Variants in SPIDR observed in about 807,000 individuals in gnomAD.
SPIDR encodes the protein scaffold protein involved in DNA repair.
In SPIDR, 93 loss-of-function variants were observed where a neutral mutation model predicts 104.6. The observed-to-expected ratio is 0.89, with a 90% CI of 0.75 to 1.06. The LOEUF (loss-of-function observed/expected upper bound fraction) is 1.06, where lower values mean the gene tolerates loss of function less well. Among genes scored for constraint, SPIDR ranks in the 50% least tolerant of loss-of-function variants. SPIDR has a pLI of 0.00. For synonymous variants in SPIDR, 431 were observed against 416.9 expected (o/e 1.03, Z -0.41); for missense variants, 1,154 against 1,111.2 (o/e 1.04, Z -0.55).
intron 8 of SPIDR, among the ~76,000 whole-genome samples, chr8:47,525,757 G>C (rs2084882699): frequency 6.7e-6 from 1 of 149,324 alleles, no homozygotes. Context: ...TGGGTAGACA[G>C]AGTGAGACCC....
At chr8:47,430,648 T>G (rs2154339178) in intron 7 of SPIDR, among the ~76,000 whole-genome samples, 1 of 152,352 alleles carries the variant, frequency 6.6e-6, no homozygotes, top group East Asian at 1.9e-4. Flanking sequence ...AAGATTATAG[T>G]GACCACCCAT....
intron 8 of SPIDR, among the ~76,000 whole-genome samples, chr8:47,448,744 G>A (rs1019814403): frequency 6.6e-6 from 1 of 152,032 alleles, no homozygotes; most frequent in African/African-American, 2.4e-5. Flanking sequence ...CCTGAAGTTG[G>A]TGATGCCCTA....
At chr8:47,321,390 A>T (rs549043782) in intron 5 of SPIDR, among the ~76,000 whole-genome samples, 1 of 152,292 alleles carries the variant, frequency 6.6e-6, no homozygotes, top group Non-Finnish European at 1.5e-5. Context: ...CTTATAAGGG[A>T]TTTGAAGGAC....
chr8:47,432,792 C>T (rs2067589495), intron 7 of SPIDR, among the ~76,000 whole-genome samples: 1 of 152,106 alleles, frequency 6.6e-6, no homozygotes, highest in African/African-American at 2.4e-5. Flanking sequence ...TAACAGGTAA[C>T]AAAGGACTTT....
At chr8:47,591,868 G>A (rs1205024699) in intron 8 of SPIDR, among the ~76,000 whole-genome samples, 1 of 152,042 alleles carries the variant, frequency 6.6e-6, no homozygotes, top group Non-Finnish European at 1.5e-5. Flanking sequence ...ACTTAAACCA[G>A]GATGGGGGAA....
At chr8:47,578,134 C>CATACAT (rs1315294438) in intron 8 of SPIDR, among the ~76,000 whole-genome samples, 2 of 152,168 alleles carry the variant, frequency 1.3e-5, no homozygotes, top group East Asian at 3.8e-4. Flanking sequence ...CTTGTTAATA[C>CATACAT]ATACATTTGA....
chr8:47,715,166 TTTTTTGTTTTTG>T (rs753353329), intron 16 of SPIDR, among the ~76,000 whole-genome samples: 2 of 139,088 alleles, frequency 1.4e-5, no homozygotes, highest in African/African-American at 5.3e-5. Flanking sequence ...TTTGGGGGGG[TTTTTTGTTTTTG>T]TTTTTGTTTT....
At chr8:47,524,904 C>A (rs1390027752) in intron 8 of SPIDR, among the ~76,000 whole-genome samples, 2 of 152,124 alleles carry the variant, frequency 1.3e-5, no homozygotes, top group East Asian at 1.9e-4. Flanking sequence ...ATTTCTGATA[C>A]AATTTAGTAA....
intron 6 of SPIDR, among the ~76,000 whole-genome samples, chr8:47,403,983 G>A (rs4873293): frequency 0.53 from 80,191 of 152,072 alleles, 24,884 homozygotes; most frequent in East Asian, 0.72. Context: ...AAGCAGCATG[G>A]TACTGGTACC....
chr8:47,505,104 G>C (rs2081265461), intron 8 of SPIDR, among the ~76,000 whole-genome samples: 2 of 152,314 alleles, frequency 1.3e-5, no homozygotes, highest in South Asian at 2.1e-4. Flanking sequence ...GAGGCAGTCT[G>C]TCCATTCTCA....
intron 8 of SPIDR, among the ~76,000 whole-genome samples, chr8:47,444,331 A>C (rs2070105626): frequency 6.6e-6 from 1 of 152,204 alleles, no homozygotes; most frequent in African/African-American, 2.4e-5. Context: ...TGAGAGGTTA[A>C]GTGTGTGAGA....
At chr8:47,514,438 T>C (rs2154377634) in intron 8 of SPIDR, among the ~76,000 whole-genome samples, 1 of 152,294 alleles carries the variant, frequency 6.6e-6, no homozygotes, top group South Asian at 2.1e-4. Flanking sequence ...CCTTGTTACC[T>C]GTTTGAGGGG....
At chr8:47,385,976 T>A (rs1263860433) in intron 5 of SPIDR, among the ~76,000 whole-genome samples, 2 of 152,120 alleles carry the variant, frequency 1.3e-5, no homozygotes, top group Non-Finnish European at 2.9e-5. Context: ...TGTATCCATA[T>A]TTTGTTTTAG....
chr8:47,269,164 CCTT>C (rs2034727722), intron 1 of SPIDR, among the ~76,000 whole-genome samples: 1 of 140,614 alleles, frequency 7.1e-6, no homozygotes, highest in African/African-American at 2.7e-5. Context: ...GAGACCCTCT[CCTT>C]TTTTTTTTTT....
At chr8:47,366,192 G>A (rs1290320808) in intron 5 of SPIDR, among the ~76,000 whole-genome samples, 3 of 152,134 alleles carry the variant, frequency 2.0e-5, no homozygotes, top group Non-Finnish European at 4.4e-5. Flanking sequence ...TGAGAGAGCA[G>A]CTGAACAGAG....
intron 8 of SPIDR, among the ~76,000 whole-genome samples, chr8:47,505,112 T>A (rs1346217446): frequency 6.6e-6 from 1 of 152,194 alleles, no homozygotes; most frequent in East Asian, 1.9e-4. Flanking sequence ...CTGTCCATTC[T>A]CAGATCTCCA....
At chr8:47,299,956 C>T (rs1031139275) in intron 5 of SPIDR, among the ~76,000 whole-genome samples, 18 of 152,172 alleles carry the variant, frequency 1.2e-4, no homozygotes, top group Non-Finnish European at 2.2e-4. Context: ...CAGGATGATG[C>T]TGGCCTCATA....
intron 5 of SPIDR, among the ~76,000 whole-genome samples, chr8:47,324,413 A>G (rs1327059048): frequency 6.6e-6 from 1 of 150,888 alleles, no homozygotes; most frequent in Non-Finnish European, 1.5e-5. Context: ...TCAGATGTCT[A>G]CATTTAAATA....
intron 5 of SPIDR, among the ~76,000 whole-genome samples, chr8:47,344,061 T>C (rs1437044879): frequency 6.6e-6 from 1 of 151,988 alleles, no homozygotes; most frequent in Admixed American, 6.6e-5. Context: ...GTTGGTGTGC[T>C]GCACCCATTA....
Sources: allele counts gnomAD v4.1 joint callset (sites outside exome capture counted in the v4.1 genomes callset), GRCh38; gene constraint gnomAD v4.1.1; transcripts MANE v1.5; gene names NCBI Gene and HGNC (gene_info 2026-07-23, HGNC 2026-07-21).